RERE: variants seen among roughly 807,000 people sequenced by gnomAD.
RERE encodes the protein arginine-glutamic acid dipeptide repeats.
In RERE, 40 loss-of-function variants were observed where a neutral mutation model predicts 146.1. That is an observed-to-expected ratio of 0.27 (90% confidence interval 0.21 to 0.36). The LOEUF (loss-of-function observed/expected upper bound fraction) is 0.36. Among genes scored for constraint, RERE ranks in the 10% least tolerant of loss-of-function variants. The pLI, the probability that RERE is intolerant of heterozygous loss-of-function variation, is 1.00. For missense variants in RERE, 1,933 were observed against 2,138.7 expected, an observed-to-expected ratio of 0.90 and a Z score of 1.90; for synonymous variants, 1,003 against 866.0, an observed-to-expected ratio of 1.16 and a Z score of -2.78.
At chr1:8,466,578 T>A (rs1176426735) in intron 10 of RERE, among the ~76,000 whole-genome samples, 5 of 152,328 alleles carry the variant, frequency 3.3e-5, no homozygotes, top group Non-Finnish European at 7.3e-5. Flanking sequence ...TAGATTATGT[T>A]CTTTCTTTTT....
At chr1:8,430,454 A>C (rs1307657931) in intron 11 of RERE, among the ~76,000 whole-genome samples, 1 of 152,250 alleles carries the variant, frequency 6.6e-6, no homozygotes, top group Non-Finnish European at 1.5e-5. Flanking sequence ...AAAGGCAGCA[A>C]ATGGGATAAT....
At chr1:8,503,085 T>TAAAA (rs1380278514) in intron 8 of RERE, among the ~76,000 whole-genome samples, 3 of 124,950 alleles carry the variant, frequency 2.4e-5, no homozygotes, top group African/African-American at 9.3e-5. Flanking sequence ...AATGATCAAT[T>TAAAA]AAAAATAAAT....
chr1:8,629,172 A>C (rs896878325), intron 2 of RERE, among the ~76,000 whole-genome samples: 4 of 152,214 alleles, frequency 2.6e-5, no homozygotes, highest in African/African-American at 9.7e-5. Flanking sequence ...CAATTAGTCC[A>C]AACAACACAT....
At chr1:8,817,088 C>CCT (rs1641928069) in intron 1 of RERE, 72 bp downstream of exon 1, 1 of 152,252 alleles carries the variant, frequency 6.6e-6, no homozygotes. Context: ...CACGGCCGAC[C>CCT]CTCTCTGACC....
chr1:8,809,853 T>A (rs1641769677), intron 1 of RERE, among the ~76,000 whole-genome samples: 2 of 152,202 alleles, frequency 1.3e-5, no homozygotes, highest in Non-Finnish European at 2.9e-5. Flanking sequence ...TAAACATTAA[T>A]ACAAGACATG....
At chr1:8,720,987 C>T (rs754349151) in intron 1 of RERE, among the ~76,000 whole-genome samples, 2 of 149,176 alleles carry the variant, frequency 1.3e-5, no homozygotes, top group Non-Finnish European at 3.0e-5. Context: ...ACCCAGGAGG[C>T]GGAGGTTGCA....
intron 10 of RERE, among the ~76,000 whole-genome samples, chr1:8,480,996 A>G (rs1241390984): frequency 3.9e-5 from 6 of 152,230 alleles, no homozygotes; most frequent in African/African-American, 1.4e-4. Context: ...AAGCTGAATC[A>G]CATCACATTC....
chr1:8,534,683 G>A (rs1355276251), intron 7 of RERE, among the ~76,000 whole-genome samples: 1 of 150,696 alleles, frequency 6.6e-6, no homozygotes, highest in Non-Finnish European at 1.5e-5. Context: ...CTAAATAAAT[G>A]AATAAATCGA....
intron 4 of RERE, among the ~76,000 whole-genome samples, chr1:8,559,294 A>AAAAAAAAAAC (rs1646047161): frequency 5.5e-5 from 8 of 144,632 alleles, no homozygotes; most frequent in African/African-American, 1.5e-4. Context: ...AAAAAAAAAA[A>AAAAAAAAAAC]AAAAAAAAAA....
At chr1:8,771,779 G>A (rs1180890070) in intron 1 of RERE, among the ~76,000 whole-genome samples, 1 of 151,230 alleles carries the variant, frequency 6.6e-6, no homozygotes, top group African/African-American at 2.4e-5. Flanking sequence ...GCGCGGTGGC[G>A]GGTGCCTGTA....
chr1:8,465,121 A>G (rs531743251), intron 11 of RERE: 1 of 152,934 alleles, frequency 6.5e-6, no homozygotes, highest in Admixed American at 6.5e-5. Context: ...CTGTATTTGC[A>G]AAAGCACAAG....
At chr1:8,693,170 G>A (rs1051595497) in intron 1 of RERE, among the ~76,000 whole-genome samples, 1 of 152,102 alleles carries the variant, frequency 6.6e-6, no homozygotes, top group South Asian at 2.1e-4. Context: ...GAGACACCTC[G>A]CAAGACAGCA....
chr1:8,364,883 T>G lies in RERE; in HGVS notation c.1448-45A>C. Reference sequence around the variant, plus strand: ...AGTGGGGGTGGGGGAGACACCATCATGCTCAGCCAAGGCTGGGCCGGTGGG... The same window carrying G: ...AGTGGGGGTGGGGGAGACACCATCAGGCTCAGCCAAGGCTGGGCCGGTGGG... On this transcript the variant is annotated intron_variant, in intron 13 of 22. Coordinates refer to ENST00000400908, the MANE Select transcript of RERE (RefSeq NM_001042681.2). The surrounding 1 kb of genome is among the most constrained non-coding windows in gnomAD (Gnocchi z 5.1). The G allele has an allele frequency of 1.7e-6, 1 of 577,612 alleles. No individual in the cohort carries two copies. Among genetic ancestry groups the G allele is most frequent in the Non-Finnish European group, 2.8e-6 (1 of 352,704 alleles). The allele number at this position is 577,612 out of a possible 1,614,324, so 35.8% of individuals were successfully genotyped here.
At chr1:8,618,951 T>C (rs1362440461) in intron 3 of RERE, among the ~76,000 whole-genome samples, 1 of 152,176 alleles carries the variant, frequency 6.6e-6, no homozygotes, top group Non-Finnish European at 1.5e-5. Context: ...AAGGCATGAA[T>C]AAAGGGTAGT....
At chr1:8,494,985 A>G in intron 10 of RERE, 78 bp downstream of exon 10, 1 of 1,056,930 alleles carries the variant, frequency 9.5e-7, no homozygotes, top group Non-Finnish European at 1.5e-6. Flanking sequence ...CATGCTCCGC[A>G]CTCATCACAC....
chr1:8,812,125 C>G (rs1042258727), intron 1 of RERE, among the ~76,000 whole-genome samples: 1 of 152,092 alleles, frequency 6.6e-6, no homozygotes, highest in African/African-American at 2.4e-5. Context: ...TGAAAAACAG[C>G]CTAACCAAAG....
chr1:8,700,381 G>A (rs1487399518), intron 1 of RERE, among the ~76,000 whole-genome samples: 1 of 151,912 alleles, frequency 6.6e-6, no homozygotes. Context: ...CAGGAAAGCA[G>A]ACAGTAAAGA....
chr1:8,460,375 C>T (rs1256244657), intron 11 of RERE, among the ~76,000 whole-genome samples: 1 of 152,156 alleles, frequency 6.6e-6, no homozygotes, highest in Admixed American at 6.5e-5. Context: ...CGCACGGGTT[C>T]ACTGGATTAC....
chr1:8,496,142 C>A (rs572106005), intron 9 of RERE, among the ~76,000 whole-genome samples: 40 of 138,298 alleles, frequency 2.9e-4, no homozygotes, highest in African/African-American at 8.9e-4. Context: ...CAGTGTGAGA[C>A]CCTGTCTTAA....
Sources: gnomAD v4.1 joint callset for allele counts (sites outside exome capture counted in the v4.1 genomes callset) on GRCh38, gnomAD v4.1.1 for gene constraint, Gnocchi (gnomAD v3.1) non-coding constraint, MANE v1.5 for transcripts, NCBI Gene and HGNC (gene_info 2026-07-23, HGNC 2026-07-21) for gene names.